The following GLCE variants were observed in gnomAD, a reference collection of about 807,000 sequenced individuals.
The protein encoded by GLCE is glucuronic acid epimerase.
Under a neutral mutation model 47.9 loss-of-function variants are expected in GLCE, and 19 were observed. The ratio of observed to expected loss-of-function variants is 0.40; its 90% confidence interval spans 0.28 to 0.58. GLCE has a LOEUF of 0.58. Among genes scored for constraint, GLCE ranks in the 20% least tolerant of loss-of-function variants. The pLI is 0.48. For synonymous variants in GLCE, 245 were observed against 263.4 expected, an observed-to-expected ratio of 0.93 and a Z score of 0.68; for missense variants, 556 against 743.3, an observed-to-expected ratio of 0.75 and a Z score of 2.93.
At chr15:69,179,696 C>T (rs991234344) in intron 1 of GLCE, among the ~76,000 whole-genome samples, 2 of 152,160 alleles carry the variant, frequency 1.3e-5, no homozygotes, top group Non-Finnish European at 2.9e-5. Flanking sequence ...CAAAGAACAA[C>T]ACAAGTGGCT....
chr15:69,200,179 G>A (rs2052057870), intron 1 of GLCE, among the ~76,000 whole-genome samples: 2 of 152,076 alleles, frequency 1.3e-5, no homozygotes, highest in African/African-American at 4.8e-5. Flanking sequence ...CTGTGTTGTG[G>A]CATGCTCTGC....
intron 1 of GLCE, among the ~76,000 whole-genome samples, chr15:69,172,299 G>A (rs1266717219): frequency 2.0e-5 from 3 of 152,188 alleles, no homozygotes; most frequent in Non-Finnish European, 4.4e-5. Context: ...TCGAACACAC[G>A]TGTTGTCGGT....
chr15:69,190,304 C>A (rs886883470), intron 1 of GLCE, among the ~76,000 whole-genome samples: 1 of 152,026 alleles, frequency 6.6e-6, no homozygotes, highest in Non-Finnish European at 1.5e-5. Flanking sequence ...TTAATTAGAT[C>A]AAGTTGGTTG....
At position 69,181,814 on chromosome 15, in the gene GLCE, T is replaced by C. The variant is rs1256793780; in HGVS notation, c.-105+21057T>C. 2.0e-5 allele frequency among the ~76,000 whole-genome samples: 3 copies of C among 152,064 alleles called. 1 individual carries two copies. In the South Asian group the frequency reaches 6.2e-4, roughly 32 times the overall value. ...TCAAAGAGTTTTTTTGTTTTTTGTTTTTGTTTTGACGTGTTTGTAGGAGGC... is the reference window on the plus strand; with the variant it reads ...TCAAAGAGTTTTTTTGTTTTTTGTTCTTGTTTTGACGTGTTTGTAGGAGGC... On this transcript the variant is annotated intron_variant, in intron 1 of 4. Coordinates refer to ENST00000261858, the MANE Select transcript of GLCE (RefSeq NM_015554.3).
intron 1 of GLCE, among the ~76,000 whole-genome samples, chr15:69,185,169 A>G (rs1398184107): frequency 6.6e-6 from 1 of 152,162 alleles, no homozygotes; most frequent in Non-Finnish European, 1.5e-5. Flanking sequence ...ATGCTTCATC[A>G]TACTTTATTG....
chr15:69,168,243 G>A (rs979625697), intron 1 of GLCE, among the ~76,000 whole-genome samples: 67 of 151,666 alleles, frequency 4.4e-4, no homozygotes, highest in African/African-American at 1.5e-3. Flanking sequence ...GATCAGCCTG[G>A]GCAAAAAAGT....
At chr15:69,163,958 C>T (rs1231549357) in intron 1 of GLCE, among the ~76,000 whole-genome samples, 3 of 152,014 alleles carry the variant, frequency 2.0e-5, no homozygotes. Flanking sequence ...TAAGAAAAGA[C>T]ACAGACCTAA....
At chr15:69,173,097 A>G (rs1351414524) in intron 1 of GLCE, among the ~76,000 whole-genome samples, 2 of 152,168 alleles carry the variant, frequency 1.3e-5, no homozygotes, top group East Asian at 3.9e-4. Context: ...GTGGTTTATT[A>G]TAACTATCCC....
intron 1 of GLCE, among the ~76,000 whole-genome samples, chr15:69,176,258 T>G: frequency 6.9e-6 from 1 of 145,482 alleles, no homozygotes; most frequent in African/African-American, 2.5e-5. Context: ...GGTCTTGTTC[T>G]GTTGCCCAGG....
intron 4 of GLCE, among the ~76,000 whole-genome samples, chr15:69,267,001 G>T (rs11854180): frequency 0.69 from 105,365 of 152,058 alleles, 37,605 homozygotes; most frequent in Admixed American, 0.77. Flanking sequence ...GATCAAGATA[G>T]GAAGATTTCC....
intron 3 of GLCE, among the ~76,000 whole-genome samples, chr15:69,258,402 A>G (rs1258165795): frequency 6.6e-6 from 1 of 152,160 alleles, no homozygotes; most frequent in Non-Finnish European, 1.5e-5. Flanking sequence ...GTCAATTTTT[A>G]TTCTGATATT....
At chr15:69,230,146 T>TA (rs1469255676) in intron 2 of GLCE, among the ~76,000 whole-genome samples, 1 of 151,042 alleles carries the variant, frequency 6.6e-6, no homozygotes, top group Non-Finnish European at 1.5e-5. Context: ...AGGCAGAGGT[T>TA]ACAGTGAGCC....
intron 2 of GLCE, among the ~76,000 whole-genome samples, chr15:69,247,903 A>G (rs2052776122): frequency 6.6e-6 from 1 of 152,238 alleles, no homozygotes; most frequent in Non-Finnish European, 1.5e-5. Context: ...TTAAAATAGC[A>G]ACATTGAAGA....
At chr15:69,266,250 G>A (rs2053084587) in intron 4 of GLCE, among the ~76,000 whole-genome samples, 1 of 152,110 alleles carries the variant, frequency 6.6e-6, no homozygotes, top group African/African-American at 2.4e-5. Context: ...CTTGAGTCCA[G>A]TGTTGCAAGA....
At chr15:69,224,413 A>G (rs1339990139) in intron 2 of GLCE, among the ~76,000 whole-genome samples, 1 of 152,136 alleles carries the variant, frequency 6.6e-6, no homozygotes, top group African/African-American at 2.4e-5. Flanking sequence ...CCAGTCTTTA[A>G]TGTCTGGCTC....
At chr15:69,240,963 G>A (rs922333651) in intron 2 of GLCE, among the ~76,000 whole-genome samples, 3 of 152,148 alleles carry the variant, frequency 2.0e-5, no homozygotes, top group African/African-American at 7.2e-5. Context: ...CCTGCAATTC[G>A]AGCAGGCTTG....
In GLCE at chr15:69,169,099, A is replaced by G. The variant is rs545030417; in HGVS notation, c.-105+8342A>G. 5.9e-5 allele frequency among the ~76,000 whole-genome samples: 9 copies of G among 152,328 alleles called. No individual in the cohort carries two copies. The East Asian group carries it at 9.6e-4, about 16-fold the overall frequency. ...CTGAAATTCATATAAGTGGAATCAA[A>G]TCATTCTTTTATGTCTAATTTCCTG... is the stretch of plus-strand genomic sequence containing the variant. On this transcript the variant is annotated intron_variant, in intron 1 of 4. Coordinates refer to ENST00000261858, the MANE Select transcript of GLCE (RefSeq NM_015554.3).
chr15:69,259,795 A>C (rs947022519), intron 3 of GLCE, among the ~76,000 whole-genome samples: 1 of 152,194 alleles, frequency 6.6e-6, no homozygotes, highest in Non-Finnish European at 1.5e-5. Context: ...TACAGAGGAG[A>C]TCCCCCTCTT....
intron 2 of GLCE, among the ~76,000 whole-genome samples, chr15:69,250,617 C>T (rs899959176): frequency 4.6e-5 from 7 of 151,840 alleles, no homozygotes; most frequent in African/African-American, 1.7e-4. Flanking sequence ...CATTTCCAGC[C>T]TGGGCTGGTT....
Sources: allele counts gnomAD v4.1 joint callset (sites outside exome capture counted in the v4.1 genomes callset), GRCh38; gene constraint gnomAD v4.1.1; transcripts MANE v1.5; gene names NCBI Gene and HGNC (gene_info 2026-07-23, HGNC 2026-07-21).